The following MAD2L1 variants were observed in gnomAD, a reference collection of about 807,000 sequenced individuals.
MAD2L1 encodes mitotic arrest deficient 2 like 1.
A neutral mutation model predicts 25.9 loss-of-function variants in MAD2L1; 10 were observed. The observed-to-expected ratio is 0.39, with a 90% CI of 0.24 to 0.66. MAD2L1 has a LOEUF of 0.66. Among genes scored for constraint, MAD2L1 ranks in the 30% least tolerant of loss-of-function variants. The pLI, the probability that MAD2L1 is intolerant of heterozygous loss-of-function variation, is 0.49. For synonymous variants in MAD2L1, 81 were observed against 91.8 expected, an observed-to-expected ratio of 0.88 and a Z score of 0.67; for missense variants, 180 against 246.4, an observed-to-expected ratio of 0.73 and a Z score of 1.80.
At position 120,060,185 on chromosome 4, in the gene MAD2L1, C is replaced by T. The variant is rs779431364; in HGVS notation, c.551G>A (p.Arg184His). The change falls in exon 5 of 5, where the codon CGT becomes CAT. Residue 184 changes from arginine (R) to histidine (H), a missense_variant. Transcript: ENST00000296509. ...TTTGTGGATTGTAGTAGTAAATGAA[C>T]GAAGGCGGACTTCCTCAGAATTGGT... Reference protein sequence around the residue: ...FITNSEEVRLRSFTTTIHKVN... With the variant: ...FITNSEEVRLHSFTTTIHKVN... 7.4e-6 allele frequency: 12 copies of T among 1,612,274 alleles called. No homozygotes were observed. The highest frequency in any genetic ancestry group is 9.3e-6 in the Non-Finnish European group (11 of 1,179,456).
chr4:120,060,352 CCT>C (rs1388720030), intron 4 of MAD2L1, 62 bp from the exon 5 acceptor site: 1 of 1,350,402 alleles, frequency 7.4e-7, no homozygotes, highest in African/African-American at 1.4e-5. Context: ...AATCTTGCTG[CCT>C]CTCTTCTATT....
rs1420656787 is a variant in MAD2L1, at chr4:120,059,445, CTT to C, written c.*671_*672del. ...TGTTTTAAGACAAATTTAAAACAAA[CTT>C]AACTTTATTTCCTCACTTTCACTTA... On this transcript the variant is annotated 3_prime_UTR_variant, in exon 5 of 5. Transcript: ENST00000296509. 1.3e-5 allele frequency: 2 copies of C among 152,172 alleles called. No individual in the cohort carries two copies. Among genetic ancestry groups the C allele is most frequent in the Non-Finnish European group, 2.9e-5 (2 of 68,004 alleles). The allele number at this position is 152,172 out of a possible 1,614,324, so 9.4% of individuals were successfully genotyped here. A position where few individuals can be genotyped will look rare whatever the true frequency, so the allele number is the denominator to read the frequency against.
In MAD2L1 at chr4:120,066,811, C is replaced by T; in HGVS notation, c.-77G>A. 9.1e-7 allele frequency: 1 copy of T among 1,097,512 alleles called. No homozygotes were observed. The highest frequency in any genetic ancestry group is 1.4e-5 in the South Asian group (1 of 72,750). The allele number at this position is 1,097,512 out of a possible 1,614,324, so 68.0% of individuals were successfully genotyped here. A position where few individuals can be genotyped will look rare whatever the true frequency, so the allele number is the denominator to read the frequency against. On this transcript the variant is annotated 5_prime_UTR_variant, in exon 1 of 5. Coordinates refer to ENST00000296509, the MANE Select transcript of MAD2L1 (RefSeq NM_002358.4). ...CAGCGGCTCCAACAGCACTTCCCCG[C>T]CAAGCGTTTCAAAAGTAACGACGCA...
chr4:120,058,906 A>T lies in MAD2L1; in HGVS notation c.*1212T>A, dbSNP rs1273759809. 1 of 152,222 alleles carries T rather than the reference A, an allele frequency of 6.6e-6. No individual in the cohort carries two copies. Among genetic ancestry groups the T allele is most frequent in the Non-Finnish European group, 1.5e-5 (1 of 68,038 alleles). The allele number at this position is 152,222 out of a possible 1,614,324, so 9.4% of individuals were successfully genotyped here. On this transcript the variant is annotated 3_prime_UTR_variant, in exon 5 of 5. Transcript: ENST00000296509. ...GTGAAGGTTAAATAAGTTAATACAC[A>T]TAAAGAACTTAGTGTCTAATAATAA...
At chr4:120,065,887 A>G in intron 1 of MAD2L1, 69 bp from the exon 2 acceptor site, 1 of 1,500,712 alleles carries the variant, frequency 6.7e-7, no homozygotes, top group Non-Finnish European at 9.2e-7. Flanking sequence ...AAATATATTT[A>G]GATGTTGCTA....
At position 120,056,558 on chromosome 4, in the gene MAD2L1, T is replaced by C. The variant is rs143676929; in HGVS notation, c.*3560A>G. ...GAAAACAAGATGAAGAAATGGTCTA[T>C]GAAGTTATCTACCTTATTGTGCTAA... On this transcript the variant is annotated 3_prime_UTR_variant, in exon 5 of 5. Coordinates refer to ENST00000296509, the MANE Select transcript of MAD2L1 (RefSeq NM_002358.4). 6.6e-6 allele frequency: 1 copy of C among 152,370 alleles called. No homozygotes were observed. The highest frequency in any genetic ancestry group is 1.9e-4 in the East Asian group (1 of 5,192). The allele number at this position is 152,370 out of a possible 1,614,324, so 9.4% of individuals were successfully genotyped here.
chr4:120,064,170 TTAAGA>T (rs1404823755), intron 2 of MAD2L1, among the ~76,000 whole-genome samples: 4 of 152,144 alleles, frequency 2.6e-5, no homozygotes, highest in Non-Finnish European at 1.5e-5. Flanking sequence ...CTCCAGCAAA[TTAAGA>T]TAAAAACACA....
chr4:120,061,830 G>T, intron 3 of MAD2L1, 145 bp downstream of exon 3: 1 of 594,530 alleles, frequency 1.7e-6, no homozygotes, highest in Non-Finnish European at 2.8e-6. Context: ...TTCCATAGGT[G>T]ACTGAGGATA....
chr4:120,061,719 A>G (rs563203781), intron 3 of MAD2L1, among the ~76,000 whole-genome samples: 2 of 152,286 alleles, frequency 1.3e-5, no homozygotes, highest in East Asian at 3.9e-4. Context: ...ATATATCACC[A>G]TAAATACTGT....
At chr4:120,062,242 A>T in intron 2 of MAD2L1, 147 bp from the exon 3 acceptor site, 1 of 641,680 alleles carries the variant, frequency 1.6e-6, no homozygotes, top group East Asian at 2.8e-5. Flanking sequence ...TGCACCATCA[A>T]TAATCTAACT....
chr4:120,057,788 A>T lies in MAD2L1; in HGVS notation c.*2330T>A, dbSNP rs1450862262. On this transcript the variant is annotated 3_prime_UTR_variant, in exon 5 of 5. Transcript: ENST00000296509. ...CAGTCCACTTGGAGCTACAGGGCAA[A>T]GCTTTTCCAGTATAGCTTCACCTCA... 1 of 152,226 alleles carries T rather than the reference A, an allele frequency of 6.6e-6. No homozygotes were observed. The highest frequency in any genetic ancestry group is 2.4e-5 in the African/African-American group (1 of 41,450). The allele number at this position is 152,226 out of a possible 1,614,324, so 9.4% of individuals were successfully genotyped here.
At chr4:120,063,400 GGC>G (rs2110508912) in intron 2 of MAD2L1, among the ~76,000 whole-genome samples, 1 of 152,246 alleles carries the variant, frequency 6.6e-6, no homozygotes, top group South Asian at 2.1e-4. Flanking sequence ...TAGGCTTATT[GGC>G]CACCAAGATC....
chr4:120,062,650 T>C (rs1726243289), intron 2 of MAD2L1, among the ~76,000 whole-genome samples: 1 of 152,154 alleles, frequency 6.6e-6, no homozygotes. Flanking sequence ...TAAAACAAAG[T>C]AATCCTTGCA....
rs1726204557 is a variant in MAD2L1, at chr4:120,060,942, T to C, written c.377A>G (p.Asp126Gly). Residue 126 changes from aspartate to glycine, a missense_variant, in exon 4 of 5, where the codon GAT becomes GGT. Asp to Gly is a moderately conservative substitution (Grantham distance 94). Coordinates refer to ENST00000296509, the MANE Select transcript of MAD2L1 (RefSeq NM_002358.4). ...PREKSQKAIQ[D>G]EIRSVIRQIT... Reference sequence around the variant, plus strand: ...CTGTCTGATCACTGAACGGATTTCATCCTGGATAGCTTTCTGAGACTTTTC... The same window carrying C: ...CTGTCTGATCACTGAACGGATTTCACCCTGGATAGCTTTCTGAGACTTTTC... 1 of 1,611,670 alleles carries C rather than the reference T, an allele frequency of 6.2e-7. No individual in the cohort carries two copies. The highest frequency in any genetic ancestry group is 1.3e-5 in the African/African-American group (1 of 74,890).
intron 2 of MAD2L1, among the ~76,000 whole-genome samples, chr4:120,063,480 C>T (rs1726259504): frequency 6.6e-6 from 1 of 152,170 alleles, no homozygotes; most frequent in Non-Finnish European, 1.5e-5. Flanking sequence ...AGTGCAAAAA[C>T]AGGCCACTTG....
At position 120,056,219 on chromosome 4, in the gene MAD2L1, C is replaced by T. The variant is rs533454828; in HGVS notation, c.*3899G>A. 1.3e-5 allele frequency: 2 copies of T among 152,262 alleles called. No homozygotes were observed. The highest frequency in any genetic ancestry group is 4.1e-4 in the South Asian group (2 of 4,826). 9.4% of individuals were successfully genotyped at this position (152,262 alleles called of 1,614,324 possible). On this transcript the variant is annotated 3_prime_UTR_variant, in exon 5 of 5. Transcript: ENST00000296509. ...CAAAAACCACGACACAATTTGCATG[C>T]CCATTGACCCCCAGTTTTACTTGTG... is the stretch of plus-strand genomic sequence containing the variant.
intron 1 of MAD2L1, among the ~76,000 whole-genome samples, chr4:120,066,300 C>T (rs992082879): frequency 1.3e-5 from 2 of 151,758 alleles, no homozygotes; most frequent in African/African-American, 2.4e-5. Context: ...GCCTCATGCC[C>T]AATAATCACT....
chr4:120,060,129 C>T lies in MAD2L1; in HGVS notation c.607G>A (p.Val203Ile). ...VNSMVAYKIPVND is the reference protein window; with the variant it reads ...VNSMVAYKIPIND ...TCCTCATGTCATCCTCAGTCATTGA[C>T]AGGAATTTTGTAGGCCACCATGCTA... is the stretch of plus-strand genomic sequence containing the variant. Residue 203 changes from valine (V) to isoleucine (I), a missense_variant, in exon 5 of 5, where the codon GTC becomes ATC. Physicochemically the swap from Val to Ile is conservative, Grantham distance 29 (BLOSUM62 3). Transcript: ENST00000296509. 4.4e-6 allele frequency: 7 copies of T among 1,599,716 alleles called. No homozygotes were observed. The highest frequency in any genetic ancestry group is 6.0e-6 in the Non-Finnish European group (7 of 1,171,598).
chr4:120,059,936 T>A lies in MAD2L1; in HGVS notation c.*182A>T. 1.0e-5 allele frequency: 5 copies of A among 478,562 alleles called. 1 individual carries two copies. The Middle Eastern group carries it at 1.7e-3, about 163-fold the overall frequency. The allele number at this position is 478,562 out of a possible 1,614,324, so 29.6% of individuals were successfully genotyped here. A position where few individuals can be genotyped will look rare whatever the true frequency, so the allele number is the denominator to read the frequency against. The stretch of plus-strand genomic sequence containing the variant: ...CAATAAATTCATGATGTTAACTCCA[T>A]GGTAAGTCAAATAGGTACCAAAAAA... On this transcript the variant is annotated 3_prime_UTR_variant, in exon 5 of 5. Transcript: ENST00000296509.
Sources: allele counts gnomAD v4.1 joint callset (sites outside exome capture counted in the v4.1 genomes callset), GRCh38; gene constraint gnomAD v4.1.1; transcripts MANE v1.5; gene names NCBI Gene and HGNC (gene_info 2026-07-23, HGNC 2026-07-21).